DCP2: variants seen among roughly 807,000 people sequenced by gnomAD.
DCP2 encodes the protein decapping mRNA 2, also known as m7GpppN-mRNA hydrolase.
A neutral mutation model predicts 56.1 loss-of-function variants in DCP2; 30 were observed. The ratio of observed to expected loss-of-function variants is 0.53; its 90% CI spans 0.40 to 0.73. The LOEUF (loss-of-function observed/expected upper bound fraction) is 0.73. Among genes scored for constraint, DCP2 ranks in the 30% least tolerant of loss-of-function variants. DCP2 has a pLI of 0.00. For missense variants in DCP2, 533 were observed against 502.7 expected (o/e 1.06, Z -0.58); for synonymous variants, 197 against 163.3 (o/e 1.21, Z -1.57).
At chr5:112,992,962 T>C (rs1295919983) in intron 4 of DCP2, among the ~76,000 whole-genome samples, 192 bp downstream of exon 4, 2 of 152,188 alleles carry the variant, frequency 1.3e-5, no homozygotes, top group South Asian at 2.1e-4. Flanking sequence ...TTTATTCTTA[T>C]CTGTTCCCAT....
At chr5:112,984,315 C>G (rs1418682439) in intron 1 of DCP2, 1 of 152,110 alleles carries the variant, frequency 6.6e-6, no homozygotes, top group Non-Finnish European at 1.5e-5. Flanking sequence ...GAGTTGGATC[C>G]TGGTCACATA....
At chr5:113,003,042 C>T (rs1249556511) in intron 7 of DCP2, among the ~76,000 whole-genome samples, 1 of 152,186 alleles carries the variant, frequency 6.6e-6, no homozygotes, top group Non-Finnish European at 1.5e-5. Flanking sequence ...TAAACCACCT[C>T]TATAGTAAGC....
At chr5:113,006,811 A>T (rs1312973878) in intron 8 of DCP2, among the ~76,000 whole-genome samples, 1 of 152,200 alleles carries the variant, frequency 6.6e-6, no homozygotes, top group Non-Finnish European at 1.5e-5. Context: ...TGCATGTCTA[A>T]GTTTAGGAAT....
chr5:113,005,618 G>T (rs566984819), intron 8 of DCP2, among the ~76,000 whole-genome samples: 2 of 152,330 alleles, frequency 1.3e-5, no homozygotes, highest in African/African-American at 4.8e-5. Flanking sequence ...CAGTTAAACA[G>T]AGTTACCATG....
chr5:113,019,923 G>A lies in DCP2; in HGVS notation c.*6439G>A, dbSNP rs1041034100. 6.6e-6 allele frequency: 1 copy of A among 152,174 alleles called. No homozygotes were observed. Among genetic ancestry groups the A allele is most frequent in the East Asian group, 1.9e-4 (1 of 5,198 alleles). 9.4% of individuals were successfully genotyped at this position (152,174 alleles called of 1,614,324 possible). On this transcript the variant is annotated 3_prime_UTR_variant, in exon 11 of 11. Coordinates refer to ENST00000389063, the MANE Select transcript of DCP2 (RefSeq NM_152624.6). Reference sequence around the variant, plus strand: ...TAATAAGATTGCCTTTTGTCTAACCGAAATAGGGCATACAGATTAGTTTGG... The same window carrying A: ...TAATAAGATTGCCTTTTGTCTAACCAAAATAGGGCATACAGATTAGTTTGG...
intron 1 of DCP2, among the ~76,000 whole-genome samples, chr5:112,979,031 G>A (rs188306727): frequency 6.6e-6 from 1 of 152,110 alleles, no homozygotes; most frequent in South Asian, 2.1e-4. Flanking sequence ...ACGATTTTAT[G>A]TATGGAACCT....
rs979063675 is a variant in DCP2 at position 113,016,251 on chromosome 5, C to G, written c.*2767C>G. The stretch of plus-strand genomic sequence containing the variant: ...GTAGCAAATGAATGGTTTAGGATTT[C>G]AAATAGTGATACCCTCCTGAGACAT... On this transcript the variant is annotated 3_prime_UTR_variant, in exon 11 of 11. Coordinates refer to ENST00000389063, the MANE Select transcript of DCP2 (RefSeq NM_152624.6). The G allele has an allele frequency of 2.0e-5, 3 of 152,520 alleles. No individual in the cohort carries two copies. The highest frequency in any genetic ancestry group is 4.4e-5 in the Non-Finnish European group (3 of 68,006). 9.4% of individuals were successfully genotyped at this position (152,520 alleles called of 1,614,324 possible).
intron 10 of DCP2, among the ~76,000 whole-genome samples, chr5:113,012,563 A>G (rs1403044924): frequency 6.6e-6 from 1 of 151,924 alleles, no homozygotes; most frequent in African/African-American, 2.4e-5. Context: ...GTTTAAAAGG[A>G]GGGGGGAAAA....
At chr5:112,999,088 C>T (rs1295922617) in intron 4 of DCP2, among the ~76,000 whole-genome samples, 1 of 152,168 alleles carries the variant, frequency 6.6e-6, no homozygotes, top group African/African-American at 2.4e-5. Flanking sequence ...TTCTTCAGTA[C>T]TTTCTTTTAT....
rs976637386 is a variant in DCP2 at position 113,020,262 on chromosome 5, T to C, written c.*6778T>C. ...AGTAGATTTGTGAACTTTATTTCTTTAGTAATTATTTTTATCTTATGTGAA... is the reference window on the plus strand; with the variant it reads ...AGTAGATTTGTGAACTTTATTTCTTCAGTAATTATTTTTATCTTATGTGAA... On this transcript the variant is annotated 3_prime_UTR_variant, in exon 11 of 11. Transcript: ENST00000389063. 1.3e-5 allele frequency: 2 copies of C among 152,240 alleles called. No individual in the cohort carries two copies. Among genetic ancestry groups the C allele is most frequent in the Non-Finnish European group, 2.9e-5 (2 of 68,030 alleles). 9.4% of individuals were successfully genotyped at this position (152,240 alleles called of 1,614,324 possible).
intron 10 of DCP2, among the ~76,000 whole-genome samples, chr5:113,012,152 G>T (rs1421099908): frequency 6.6e-6 from 1 of 152,040 alleles, no homozygotes; most frequent in Non-Finnish European, 1.5e-5. Flanking sequence ...CATTAAAAAA[G>T]GTACACCATG....
chr5:113,008,097 C>A (rs79951022), intron 9 of DCP2, 55 bp downstream of exon 9: 24,394 of 1,408,602 alleles, frequency 0.017, 252 homozygotes, highest in Non-Finnish European at 0.021. Flanking sequence ...AAGAGTGAAA[C>A]AAGGGCATTG....
chr5:113,000,655 T>G (rs1175448432), intron 4 of DCP2, among the ~76,000 whole-genome samples: 1 of 152,186 alleles, frequency 6.6e-6, no homozygotes, highest in African/African-American at 2.4e-5. Flanking sequence ...TCTGGACTTT[T>G]ACTCTGATTG....
Position 113,010,739 on chromosome 5 carries a change from T to G in DCP2, c.1048-17T>G, listed in dbSNP as rs748926231. 323 of 1,554,416 alleles carry G rather than the reference T, an allele frequency of 2.1e-4. No homozygotes were observed. The highest frequency in any genetic ancestry group is 4.2e-4 in the African/African-American group (30 of 71,592). On this transcript the variant is annotated splice_polypyrimidine_tract_variant and intron_variant, in intron 9 of 10. Coordinates refer to ENST00000389063, the MANE Select transcript of DCP2 (RefSeq NM_152624.6). The stretch of plus-strand genomic sequence containing the variant: ...GTTGTATGTGTGTGTGTGTGTGTTT[T>G]TTTTTTTTTTAAATAGAAGTGTGAA...
Position 113,017,823 on chromosome 5 carries a change from A to C in DCP2, c.*4339A>C, listed in dbSNP as rs1180338034. The C allele has an allele frequency of 6.6e-6, 1 of 152,172 alleles. No individual in the cohort carries two copies. The highest frequency in any genetic ancestry group is 1.5e-5 in the Non-Finnish European group (1 of 68,032). 9.4% of individuals were successfully genotyped at this position (152,172 alleles called of 1,614,324 possible). ...AAGTGTAGTCATTCATATATATATG[A>C]ATATCTATATCTATATCTATACATA... On this transcript the variant is annotated 3_prime_UTR_variant, in exon 11 of 11. Coordinates refer to ENST00000389063, the MANE Select transcript of DCP2 (RefSeq NM_152624.6).
At chr5:112,977,539 T>G (rs1052057190) in intron 1 of DCP2, among the ~76,000 whole-genome samples, 32 of 152,224 alleles carry the variant, frequency 2.1e-4, no homozygotes, top group Admixed American at 1.8e-3. Flanking sequence ...GAATTACTTT[T>G]TTTTTCTCAT....
intron 4 of DCP2, among the ~76,000 whole-genome samples, chr5:112,998,252 T>C (rs1748955533): frequency 6.6e-6 from 1 of 152,226 alleles, no homozygotes; most frequent in African/African-American, 2.4e-5. Flanking sequence ...ACTTCCTCCC[T>C]TGTAATTCTT....
At chr5:112,990,325 T>C (rs973778109) in intron 2 of DCP2, among the ~76,000 whole-genome samples, 1 of 152,192 alleles carries the variant, frequency 6.6e-6, no homozygotes, top group Non-Finnish European at 1.5e-5. Flanking sequence ...GTTTTCTCTT[T>C]TGTAAATTAT....
At position 113,018,584 on chromosome 5, in the gene DCP2, T is replaced by C. The variant is rs1246434517; in HGVS notation, c.*5100T>C. 2.6e-5 allele frequency: 4 copies of C among 152,256 alleles called. No homozygotes were observed. The highest frequency in any genetic ancestry group is 9.6e-5 in the African/African-American group (4 of 41,466). The allele number at this position is 152,256 out of a possible 1,614,324, so 9.4% of individuals were successfully genotyped here. A position where few individuals can be genotyped will look rare whatever the true frequency, so the allele number is the denominator to read the frequency against. The stretch of plus-strand genomic sequence containing the variant: ...TAACCTTTAGTAGACTTCAGTCTTT[T>C]AGTCCAGTAGAAGACAATGGCCCTG... On this transcript the variant is annotated 3_prime_UTR_variant, in exon 11 of 11. Coordinates refer to ENST00000389063, the MANE Select transcript of DCP2 (RefSeq NM_152624.6).
Sources: allele counts gnomAD v4.1 joint callset (sites outside exome capture counted in the v4.1 genomes callset), GRCh38; gene constraint gnomAD v4.1.1; transcripts MANE v1.5; gene names NCBI Gene and HGNC (gene_info 2026-07-23, HGNC 2026-07-21).